Variants in LMBRD1 observed in about 807,000 individuals in gnomAD.
LMBRD1 encodes LMBR1 domain containing 1, also known as lysosomal cobalamin transport escort protein LMBD1.
LMBRD1 carries 64 observed loss-of-function variants against 74.8 expected under a neutral mutation model. The observed-to-expected ratio is 0.86, with a 90% confidence interval of 0.70 to 1.05. The LOEUF is 1.05. Among genes scored for constraint, LMBRD1 ranks in the 50% least tolerant of loss-of-function variants. LMBRD1 has a pLI of 0.00. For missense variants in LMBRD1, 652 were observed against 645.9 expected (o/e 1.01, Z -0.10); for synonymous variants, 204 against 216.3 (o/e 0.94, Z 0.50).
At chr6:69,747,808 G>A (rs1196523579) in intron 5 of LMBRD1, among the ~76,000 whole-genome samples, 11 of 152,112 alleles carry the variant, frequency 7.2e-5, no homozygotes, top group Non-Finnish European at 1.3e-4. Flanking sequence ...TCTAGATCAC[G>A]GCTTTGCCAT....
chr6:69,793,715 A>C (rs1006299751), intron 1 of LMBRD1, among the ~76,000 whole-genome samples: 5 of 130,678 alleles, frequency 3.8e-5, no homozygotes, highest in African/African-American at 6.8e-5. Flanking sequence ...TCATGTCCTG[A>C]ATCTTTTTTT....
chr6:69,745,328 G>A (rs548445560), intron 5 of LMBRD1, among the ~76,000 whole-genome samples: 93 of 143,720 alleles, frequency 6.5e-4, no homozygotes, highest in African/African-American at 2.4e-3. Context: ...GCGCAATCTC[G>A]GCTCACTGCA....
intron 7 of LMBRD1, among the ~76,000 whole-genome samples, chr6:69,730,340 C>A (rs1335469736): frequency 6.6e-6 from 1 of 152,030 alleles, no homozygotes; most frequent in Non-Finnish European, 1.5e-5. Flanking sequence ...TACCTGTAGA[C>A]TTAATAAATG....
At chr6:69,764,988 G>A (rs1191553303) in intron 3 of LMBRD1, among the ~76,000 whole-genome samples, 2 of 151,088 alleles carry the variant, frequency 1.3e-5, no homozygotes, top group Non-Finnish European at 2.9e-5. Context: ...GGAGTGCAGT[G>A]GTGAGATCTT....
chr6:69,747,144 A>C (rs575755949), intron 5 of LMBRD1, among the ~76,000 whole-genome samples: 39 of 152,030 alleles, frequency 2.6e-4, no homozygotes, highest in Admixed American at 1.4e-3. Context: ...TTAGCAAGGG[A>C]ATTAGTGTTA....
intron 7 of LMBRD1, among the ~76,000 whole-genome samples, chr6:69,729,174 A>C (rs1766798344): frequency 6.7e-6 from 1 of 148,504 alleles, no homozygotes; most frequent in Admixed American, 6.8e-5. Context: ...GGCTTTGTCC[A>C]ACATACACAT....
chr6:69,763,449 A>C (rs1765414654), intron 3 of LMBRD1, among the ~76,000 whole-genome samples: 1 of 152,178 alleles, frequency 6.6e-6, no homozygotes, highest in Non-Finnish European at 1.5e-5. Context: ...AAGGGGAGGA[A>C]GATGGGATGA....
intron 9 of LMBRD1, among the ~76,000 whole-genome samples, chr6:69,709,894 T>C (rs924700248): frequency 2.6e-5 from 4 of 152,158 alleles, no homozygotes; most frequent in Non-Finnish European, 5.9e-5. Flanking sequence ...ATTTAAGATG[T>C]AAATAAATAG....
chr6:69,690,956 A>T lies in LMBRD1; in HGVS notation c.1417+6607T>A, dbSNP rs147669048. Among the ~76,000 whole-genome samples, 178 of 152,232 alleles carry T rather than the reference A, an allele frequency of 1.2e-3. 2 individuals carry two copies. In the East Asian group the frequency reaches 0.031, roughly 27 times the overall value. On this transcript the variant is annotated intron_variant, in intron 14 of 15. Transcript: ENST00000649934. Reference sequence around the variant, plus strand: ...AACACTATTGATCTCTAAACATGATACTTTATTGCATATTATAATGCCATA... The same window carrying T: ...AACACTATTGATCTCTAAACATGATTCTTTATTGCATATTATAATGCCATA...
In LMBRD1 at chr6:69,790,626, A is replaced by G. The variant is rs2305840; in HGVS notation, c.70-154T>C. On this transcript the variant is annotated intron_variant, in intron 1 of 15. Coordinates refer to ENST00000649934, the MANE Select transcript of LMBRD1 (RefSeq NM_018368.4). ...CCACTATCCCTTAAAAACTTGTCCAAGATGTATAATTTTCAAAGCCTACTT... is the reference window on the plus strand; with the variant it reads ...CCACTATCCCTTAAAAACTTGTCCAGGATGTATAATTTTCAAAGCCTACTT... 0.064 allele frequency: 45,694 copies of G among 709,244 alleles called. 1,841 individuals carry two copies. The highest frequency in any genetic ancestry group is 0.16 in the East Asian group (5,848 of 36,508). 43.9% of individuals were successfully genotyped at this position (709,244 alleles called of 1,614,324 possible).
intron 14 of LMBRD1, among the ~76,000 whole-genome samples, chr6:69,692,938 T>C (rs1765921136): frequency 6.6e-6 from 1 of 152,170 alleles, no homozygotes; most frequent in Admixed American, 6.5e-5. Flanking sequence ...TCTTCTATTT[T>C]TGTCCATTAA....
chr6:69,787,327 G>A (rs868210841), intron 2 of LMBRD1, among the ~76,000 whole-genome samples: 2 of 151,970 alleles, frequency 1.3e-5, no homozygotes, highest in South Asian at 2.1e-4. Context: ...TCACCGAGCC[G>A]CCCAAAATGA....
At chr6:69,695,484 C>T (rs1047843587) in intron 14 of LMBRD1, among the ~76,000 whole-genome samples, 2 of 152,080 alleles carry the variant, frequency 1.3e-5, no homozygotes, top group Non-Finnish European at 2.9e-5. Context: ...TTCCAGGACT[C>T]TGTTGGAAAC....
chr6:69,700,717 T>A, intron 12 of LMBRD1, 48 bp downstream of exon 12: 5 of 1,232,358 alleles, frequency 4.1e-6, no homozygotes, highest in Non-Finnish European at 5.5e-6. Context: ...ATTATGGAGA[T>A]CACACACAAA....
chr6:69,787,061 G>A (rs1007546355), intron 2 of LMBRD1, among the ~76,000 whole-genome samples: 2 of 152,158 alleles, frequency 1.3e-5, no homozygotes, highest in Non-Finnish European at 2.9e-5. Flanking sequence ...TTACAAACAA[G>A]GTTGGAATAG....
chr6:69,776,478 TAC>T (rs2149890888), intron 3 of LMBRD1, among the ~76,000 whole-genome samples: 1 of 152,346 alleles, frequency 6.6e-6, no homozygotes, highest in Admixed American at 6.5e-5. Flanking sequence ...AAAATATGTA[TAC>T]AGTTTACTCA....
intron 3 of LMBRD1, among the ~76,000 whole-genome samples, chr6:69,777,935 A>T (rs533725465): frequency 5.3e-5 from 8 of 152,366 alleles, no homozygotes; most frequent in African/African-American, 1.9e-4. Context: ...GTTAGATAGT[A>T]TCTAGCATTT....
Position 69,785,119 on chromosome 6 carries a change from C to T in LMBRD1, c.247-4565G>A, listed in dbSNP as rs142894765. On this transcript the variant is annotated intron_variant, in intron 2 of 15. Coordinates refer to ENST00000649934, the MANE Select transcript of LMBRD1 (RefSeq NM_018368.4). ...ACCAGTCACTTCTCTACCCCATTCACTTCACCTCTCAACACCACTGAAAAA... is the reference window on the plus strand; with the variant it reads ...ACCAGTCACTTCTCTACCCCATTCATTTCACCTCTCAACACCACTGAAAAA... Among the ~76,000 whole-genome samples the T allele has an allele frequency of 4.6e-5, 7 of 152,312 alleles. No homozygotes were observed. The East Asian group carries it at 1.2e-3, about 25-fold the overall frequency.
chr6:69,713,593 C>G lies in LMBRD1; in HGVS notation c.915+52G>C, dbSNP rs187752061. 88 of 1,572,924 alleles carry G rather than the reference C, an allele frequency of 5.6e-5. No homozygotes were observed. In the African/African-American group the frequency reaches 7.4e-4, roughly 13 times the overall value. On this transcript the variant is annotated intron_variant, in intron 9 of 15. Coordinates refer to ENST00000649934, the MANE Select transcript of LMBRD1 (RefSeq NM_018368.4). ...GAGAGCTCAATCTCTCCAAGAGGTACTACATAAACTTGGGGAAGAGTGACA... is the reference window on the plus strand; with the variant it reads ...GAGAGCTCAATCTCTCCAAGAGGTAGTACATAAACTTGGGGAAGAGTGACA...
Sources: gnomAD v4.1 joint callset for allele counts (sites outside exome capture counted in the v4.1 genomes callset) on GRCh38, gnomAD v4.1.1 for gene constraint, MANE v1.5 for transcripts, NCBI Gene and HGNC (gene_info 2026-07-23, HGNC 2026-07-21) for gene names.